NF1: variants seen among roughly 807,000 people sequenced by gnomAD.
NF1 encodes the protein neurofibromin.
A neutral mutation model predicts 325.7 loss-of-function variants in NF1; 122 were observed. The observed-to-expected ratio is 0.37, with a 90% CI of 0.32 to 0.44. NF1 has a LOEUF of 0.44. Among genes scored for constraint, NF1 ranks in the 20% least tolerant of loss-of-function variants. NF1 has a pLI of 1.00. For missense variants in NF1, 2,140 were observed against 3,415.4 expected (o/e 0.63, Z 9.31); for synonymous variants, 1,091 against 1,186.0 (o/e 0.92, Z 1.65).
At chr17:31,216,810 G>A (rs1161836899) in intron 13 of NF1, among the ~76,000 whole-genome samples, 1 of 151,914 alleles carries the variant, frequency 6.6e-6, no homozygotes, top group Non-Finnish European at 1.5e-5. Flanking sequence ...ATTCATGATG[G>A]TCTTCCTTTC....
intron 31 of NF1, among the ~76,000 whole-genome samples, chr17:31,254,681 A>G (rs941213827): frequency 2.0e-5 from 3 of 152,020 alleles, no homozygotes; most frequent in African/African-American, 7.3e-5. Context: ...AGCCTTTCTA[A>G]CACTGCTTTA....
intron 36 of NF1, among the ~76,000 whole-genome samples, chr17:31,277,902 G>C (rs531207920): frequency 1.3e-5 from 2 of 152,126 alleles, no homozygotes; most frequent in Non-Finnish European, 2.9e-5. Context: ...TAATATCTCA[G>C]TTTGAATTTG....
At chr17:31,356,155 C>T (rs1386107474) in intron 51 of NF1, 6 of 304,250 alleles carry the variant, frequency 2.0e-5, no homozygotes, top group Non-Finnish European at 3.2e-5. Context: ...CATTTATTAT[C>T]AGTTATCATA....
intron 57 of NF1, among the ~76,000 whole-genome samples, chr17:31,368,629 A>G (rs2070576908): frequency 2.0e-5 from 3 of 152,240 alleles, no homozygotes; most frequent in Non-Finnish European, 4.4e-5. Context: ...GCATAAAATT[A>G]AAGTCCTAGT....
intron 12 of NF1, among the ~76,000 whole-genome samples, chr17:31,209,281 A>G (rs914315026): frequency 6.6e-6 from 1 of 152,242 alleles, no homozygotes; most frequent in Non-Finnish European, 1.5e-5. Context: ...TGGGACTGAT[A>G]AACCTGAGCC....
intron 33 of NF1, among the ~76,000 whole-genome samples, chr17:31,259,787 T>A (rs1233329244): frequency 6.6e-6 from 1 of 152,238 alleles, no homozygotes; most frequent in African/African-American, 2.4e-5. Context: ...AATTCTGCTT[T>A]TCATGCAGTG....
chr17:31,232,850 C>T lies in NF1; in HGVS notation c.3465C>T (p.Ala1155=), dbSNP rs2067138072. The T allele has an allele frequency of 6.2e-7, 1 of 1,613,726 alleles. No homozygotes were observed. The highest frequency in any genetic ancestry group is 8.5e-7 in the Non-Finnish European group (1 of 1,179,962). ...TVLAMSNLLN[A]NVDSGLMHSI... ...TTGCAATGTCAAACTTACTCAATGCCAACGTAGACAGTGGTCTCATGCACT... is the reference window on the plus strand; with the variant it reads ...TTGCAATGTCAAACTTACTCAATGCTAACGTAGACAGTGGTCTCATGCACT... The change falls in exon 26 of 58, where the codon GCC becomes GCT. Residue 1155 remains alanine (A), a synonymous_variant. Transcript: ENST00000358273.
intron 8 of NF1, among the ~76,000 whole-genome samples, chr17:31,199,171 G>C (rs1597679228): frequency 6.6e-6 from 1 of 151,962 alleles, no homozygotes. Context: ...TATATGGTTA[G>C]GTTATTGAAT....
chr17:31,184,454 C>G (rs1350328926), intron 8 of NF1, among the ~76,000 whole-genome samples: 1 of 151,460 alleles, frequency 6.6e-6, no homozygotes, highest in Non-Finnish European at 1.5e-5. Context: ...TCGAGACCAT[C>G]CTGGCTAACA....
chr17:31,302,671 C>T (rs1233784298), intron 36 of NF1, among the ~76,000 whole-genome samples: 1 of 151,642 alleles, frequency 6.6e-6, no homozygotes, highest in East Asian at 1.9e-4. Context: ...GAAACCCCAT[C>T]TCTACTAAAA....
intron 1 of NF1, chr17:31,128,625 T>C (rs1250690770): frequency 6.6e-6 from 1 of 152,092 alleles, no homozygotes; most frequent in East Asian, 1.9e-4. Context: ...GAATTTCTTA[T>C]CTTTAAGAAT....
intron 36 of NF1, among the ~76,000 whole-genome samples, chr17:31,299,124 T>C (rs1377110690): frequency 6.6e-6 from 1 of 152,108 alleles, no homozygotes; most frequent in African/African-American, 2.4e-5. Flanking sequence ...TCAAAGATTA[T>C]TGTAAAATTC....
intron 1 of NF1, among the ~76,000 whole-genome samples, chr17:31,127,371 A>T (rs1262633298): frequency 6.6e-6 from 1 of 152,072 alleles, no homozygotes; most frequent in Non-Finnish European, 1.5e-5. Flanking sequence ...CATTGTTATG[A>T]TATTGAGGCT....
rs2151430591 is a variant in NF1 at position 31,229,876 on chromosome 17, C to A, written c.2892C>A (p.Thr964=). Residue 964 remains threonine (T), a synonymous_variant, in exon 22 of 58, where the codon ACC becomes ACA. Coordinates refer to ENST00000358273, the MANE Select transcript of NF1 (RefSeq NM_001042492.3). ...TDTNTQFVEQ[T]IAIMKNLLDN... is the part of the protein sequence containing the mutation. ...CCAATACTCAATTTGTAGAACAAAC[C>A]ATAGCTATAATGAAGAACTTGCTAG... 6.8e-6 allele frequency: 11 copies of A among 1,611,712 alleles called. No individual in the cohort carries two copies. Among genetic ancestry groups the A allele is most frequent in the Non-Finnish European group, 9.3e-6 (11 of 1,179,682 alleles).
chr17:31,239,555 G>GC (rs1265656704), intron 29 of NF1, among the ~76,000 whole-genome samples: 1 of 149,880 alleles, frequency 6.7e-6, no homozygotes, highest in African/African-American at 2.5e-5. Context: ...CAAGATGGGG[G>GC]GAGGAATCAG....
At chr17:31,095,531 A>T in intron 1 of NF1, 162 bp downstream of exon 1, 1 of 509,616 alleles carries the variant, frequency 2.0e-6, no homozygotes. Flanking sequence ...GGGGTGGCCA[A>T]GGCGGGAGGT....
chr17:31,246,803 T>C (rs1013584578), intron 29 of NF1, among the ~76,000 whole-genome samples: 13 of 152,158 alleles, frequency 8.5e-5, no homozygotes, highest in Non-Finnish European at 1.6e-4. Flanking sequence ...CTCATAATGA[T>C]TGATAACTGA....
intron 1 of NF1, among the ~76,000 whole-genome samples, chr17:31,135,577 C>CT (rs1167221396): frequency 2.0e-5 from 3 of 151,728 alleles, no homozygotes; most frequent in African/African-American, 7.3e-5. Flanking sequence ...ATTATTATTA[C>CT]TTTTTTGAAA....
chr17:31,177,749 C>G (rs1347183600), intron 5 of NF1, among the ~76,000 whole-genome samples: 1 of 151,586 alleles, frequency 6.6e-6, no homozygotes. Flanking sequence ...CCAAATCAAT[C>G]AAGCAGAAGA....
Sources: allele counts gnomAD v4.1 joint callset (sites outside exome capture counted in the v4.1 genomes callset), GRCh38; gene constraint gnomAD v4.1.1; transcripts MANE v1.5; gene names NCBI Gene and HGNC (gene_info 2026-07-23, HGNC 2026-07-21).